Variants in SLC9A9 observed in about 807,000 individuals in gnomAD.
SLC9A9 encodes the protein solute carrier family 9 member A9, also known as sodium/hydrogen exchanger 9.
A neutral mutation model predicts 77.8 loss-of-function variants in SLC9A9; 62 were observed. That is an observed-to-expected ratio of 0.80 (90% CI 0.65 to 0.98). The LOEUF (loss-of-function observed/expected upper bound fraction) is 0.98. Ranked by LOEUF, SLC9A9 falls within the 50% of genes least tolerant of loss-of-function variation. The pLI, the probability that SLC9A9 is intolerant of heterozygous loss-of-function variation, is 0.00. For missense variants in SLC9A9, 775 were observed against 774.9 expected, an observed-to-expected ratio of 1.00 and a Z score of 0.00; for synonymous variants, 320 against 283.5, an observed-to-expected ratio of 1.13 and a Z score of -1.29.
intron 6 of SLC9A9, among the ~76,000 whole-genome samples, chr3:143,589,283 T>C (rs1386461985): frequency 6.6e-6 from 1 of 152,170 alleles, no homozygotes; most frequent in African/African-American, 2.4e-5. Context: ...ATAAGGAAAT[T>C]ATGGCTTAGA....
At chr3:143,362,161 C>T (rs1474554540) in intron 14 of SLC9A9, among the ~76,000 whole-genome samples, 1 of 152,254 alleles carries the variant, frequency 6.6e-6, no homozygotes, top group East Asian at 1.9e-4. Flanking sequence ...ACTGAGATAC[C>T]AGAACCTTTA....
rs151166537 is a variant in SLC9A9, at chr3:143,722,457, A to G, written c.534-29150T>C. Among the ~76,000 whole-genome samples the G allele has an allele frequency of 8.1e-3, 967 of 119,250 alleles. 9 individuals carry two copies. Among genetic ancestry groups the G allele is most frequent in the African/African-American group, 0.03 (936 of 30,892 alleles). 78.2% of individuals were successfully genotyped at this position (119,250 alleles called of 152,430 possible). A position where few individuals can be genotyped will look rare whatever the true frequency, so the allele number is the denominator to read the frequency against. ...CACTGCACTCCAGCCTGGGCGACAGAGCGAGACTCCATCTCAAAAAAAAAA... is the reference window on the plus strand; with the variant it reads ...CACTGCACTCCAGCCTGGGCGACAGGGCGAGACTCCATCTCAAAAAAAAAA... On this transcript the variant is annotated intron_variant, in intron 4 of 15. Transcript: ENST00000316549.
rs190183060 is a variant in SLC9A9 at position 143,823,037 on chromosome 3, A to G, written c.378+8982T>C. Among the ~76,000 whole-genome samples, 13 of 152,288 alleles carry G rather than the reference A, an allele frequency of 8.5e-5. No individual in the cohort carries two copies. The East Asian group carries it at 2.5e-3, about 29-fold the overall frequency. ...ATGCTTGGTTACAAAATAGCCAGCA[A>G]TTAAGACAGGACAGAGTAGCAGTAA... On this transcript the variant is annotated intron_variant, in intron 2 of 15. Transcript: ENST00000316549.
At chr3:143,348,258 G>A (rs1345269680) in intron 14 of SLC9A9, among the ~76,000 whole-genome samples, 2 of 152,238 alleles carry the variant, frequency 1.3e-5, no homozygotes, top group East Asian at 3.8e-4. Flanking sequence ...GCCTCCCAAA[G>A]TGCTGGGATT....
intron 4 of SLC9A9, among the ~76,000 whole-genome samples, chr3:143,790,295 G>A (rs915758870): frequency 6.6e-6 from 1 of 152,068 alleles, no homozygotes; most frequent in African/African-American, 2.4e-5. Flanking sequence ...ACTGCAACAT[G>A]AGAATGGACT....
chr3:143,292,031 C>T (rs2030016676), intron 14 of SLC9A9, among the ~76,000 whole-genome samples: 1 of 152,234 alleles, frequency 6.6e-6, no homozygotes, highest in Non-Finnish European at 1.5e-5. Context: ...AAGAGCCATT[C>T]TCTGGGCTTG....
intron 14 of SLC9A9, among the ~76,000 whole-genome samples, chr3:143,311,687 C>G (rs1432079162): frequency 6.6e-6 from 1 of 152,182 alleles, no homozygotes; most frequent in East Asian, 1.9e-4. Flanking sequence ...CGTCTCTCCT[C>G]TCTGTAAGGG....
intron 5 of SLC9A9, among the ~76,000 whole-genome samples, chr3:143,692,491 G>A (rs576094488): frequency 2.0e-5 from 3 of 152,260 alleles, no homozygotes; most frequent in African/African-American, 4.8e-5. Flanking sequence ...TGTGGAGGGG[G>A]TATAAATAAG....
At chr3:143,504,065 TG>T in intron 9 of SLC9A9, 1 of 500,920 alleles carries the variant, frequency 2.0e-6, no homozygotes, top group Admixed American at 2.0e-5. Flanking sequence ...GGATTTCCAC[TG>T]ATGACAAGCT....
chr3:143,595,925 G>A (rs1301206657), intron 6 of SLC9A9, among the ~76,000 whole-genome samples: 1 of 152,136 alleles, frequency 6.6e-6, no homozygotes, highest in Admixed American at 6.5e-5. Flanking sequence ...ATGCTGCTTT[G>A]TCTTAGTAAA....
chr3:143,397,579 ATGCCAGAAGTGC>A (rs1280222498), intron 12 of SLC9A9, among the ~76,000 whole-genome samples: 1 of 152,206 alleles, frequency 6.6e-6, no homozygotes, highest in East Asian at 1.9e-4. Context: ...GAATGATATG[ATGCCAGAAGTGC>A]ATCTCCTTCC....
At chr3:143,706,193 G>A (rs934510372) in intron 4 of SLC9A9, among the ~76,000 whole-genome samples, 8 of 152,116 alleles carry the variant, frequency 5.3e-5, no homozygotes, top group African/African-American at 1.4e-4. Context: ...CCCAACAGAC[G>A]AAATATGAAT....
At chr3:143,596,961 G>A (rs112129008) in intron 6 of SLC9A9, among the ~76,000 whole-genome samples, 1 of 152,074 alleles carries the variant, frequency 6.6e-6, no homozygotes, top group South Asian at 2.1e-4. Context: ...CACACACCCA[G>A]ACCTTGTATG....
chr3:143,694,952 G>A (rs1933586013), intron 4 of SLC9A9, among the ~76,000 whole-genome samples: 1 of 152,068 alleles, frequency 6.6e-6, no homozygotes, highest in African/African-American at 2.4e-5. Flanking sequence ...ATGGATTCTA[G>A]AAGGGGAGGC....
chr3:143,281,150 C>T (rs1938206105), intron 14 of SLC9A9, among the ~76,000 whole-genome samples: 1 of 152,240 alleles, frequency 6.6e-6, no homozygotes, highest in African/African-American at 2.4e-5. Context: ...GACCCTCTCC[C>T]TGTTACAGTG....
intron 11 of SLC9A9, among the ~76,000 whole-genome samples, chr3:143,478,188 A>G (rs1327561800): frequency 2.0e-5 from 3 of 152,246 alleles, no homozygotes; most frequent in Non-Finnish European, 4.4e-5. Flanking sequence ...AGGGTAGCTC[A>G]CAATCCTTCC....
At chr3:143,319,560 G>T (rs749953339) in intron 14 of SLC9A9, among the ~76,000 whole-genome samples, 3 of 152,200 alleles carry the variant, frequency 2.0e-5, no homozygotes, top group Non-Finnish European at 4.4e-5. Flanking sequence ...GTTTTCATCT[G>T]TCAGAAGAAA....
At chr3:143,480,442 G>C (rs1005761012) in intron 11 of SLC9A9, among the ~76,000 whole-genome samples, 1 of 152,180 alleles carries the variant, frequency 6.6e-6, no homozygotes, top group South Asian at 2.1e-4. Flanking sequence ...TACTATACTT[G>C]TCTGCTTCGT....
intron 14 of SLC9A9, among the ~76,000 whole-genome samples, chr3:143,271,167 C>T (rs994897123): frequency 6.6e-6 from 1 of 152,176 alleles, no homozygotes; most frequent in African/African-American, 2.4e-5. Context: ...TTCAGGCATC[C>T]ATGGGGGTCA....
Sources: gnomAD v4.1 joint callset for allele counts (sites outside exome capture counted in the v4.1 genomes callset) on GRCh38, gnomAD v4.1.1 for gene constraint, MANE v1.5 for transcripts, NCBI Gene and HGNC (gene_info 2026-07-23, HGNC 2026-07-21) for gene names.